CTNNA3: variants seen among roughly 807,000 people sequenced by gnomAD.
CTNNA3 encodes catenin alpha 3.
CTNNA3 carries 76 observed loss-of-function variants against 95.7 expected under a neutral mutation model. The ratio of observed to expected loss-of-function variants is 0.79; its 90% CI spans 0.66 to 0.96. The LOEUF (loss-of-function observed/expected upper bound fraction) is 0.96, where lower values mean the gene tolerates loss of function less well. CTNNA3 is among the 40% of genes least tolerant of loss of function. The pLI is 0.00. For missense variants in CTNNA3, 1,191 were observed against 1,089.8 expected (o/e 1.09, Z -1.31); for synonymous variants, 431 against 374.4 (o/e 1.15, Z -1.74).
At chr10:67,176,345 T>G (rs1264696888) in intron 7 of CTNNA3, among the ~76,000 whole-genome samples, 1 of 152,214 alleles carries the variant, frequency 6.6e-6, no homozygotes, top group Non-Finnish European at 1.5e-5. Context: ...ATATACAACA[T>G]GCAATCATTT....
At chr10:67,051,442 C>A (rs1237799234) in intron 7 of CTNNA3, among the ~76,000 whole-genome samples, 1 of 112,846 alleles carries the variant, frequency 8.9e-6, no homozygotes, top group Non-Finnish European at 1.7e-5. Context: ...CCTTACACAT[C>A]TTTTTTCTTT....
chr10:66,107,155 G>C (rs1454624991), intron 13 of CTNNA3, among the ~76,000 whole-genome samples: 1 of 152,144 alleles, frequency 6.6e-6, no homozygotes, highest in Non-Finnish European at 1.5e-5. Context: ...CTCTAAACCA[G>C]ACAAAGATGA....
At chr10:67,570,569 G>A (rs1390235399) in intron 3 of CTNNA3, among the ~76,000 whole-genome samples, 1 of 152,078 alleles carries the variant, frequency 6.6e-6, no homozygotes, top group Non-Finnish European at 1.5e-5. Context: ...CACATACTGT[G>A]GACAACATTA....
At chr10:66,289,553 T>C (rs2091645097) in intron 12 of CTNNA3, among the ~76,000 whole-genome samples, 1 of 151,846 alleles carries the variant, frequency 6.6e-6, no homozygotes, top group African/African-American at 2.4e-5. Flanking sequence ...TTTTTGGCTG[T>C]GAGAGTTTGG....
At chr10:67,281,682 T>C (rs908782724) in intron 5 of CTNNA3, among the ~76,000 whole-genome samples, 58 of 152,290 alleles carry the variant, frequency 3.8e-4, no homozygotes, top group African/African-American at 1.3e-3. Flanking sequence ...CTGTCCTTTA[T>C]GTCATATAGC....
At chr10:66,679,562 A>G (rs964052899) in intron 9 of CTNNA3, among the ~76,000 whole-genome samples, 1 of 152,218 alleles carries the variant, frequency 6.6e-6, no homozygotes, top group African/African-American at 2.4e-5. Context: ...TGATTACTTC[A>G]GCATGCCTTG....
chr10:66,425,760 T>C (rs2093235255), intron 11 of CTNNA3, among the ~76,000 whole-genome samples: 1 of 152,006 alleles, frequency 6.6e-6, no homozygotes, highest in Admixed American at 6.6e-5. Flanking sequence ...ATGTATACAA[T>C]GTTCATAAAG....
At chr10:67,379,803 C>A (rs1329614449) in intron 5 of CTNNA3, among the ~76,000 whole-genome samples, 1 of 151,916 alleles carries the variant, frequency 6.6e-6, no homozygotes, top group Non-Finnish European at 1.5e-5. Context: ...GGGCGGATCA[C>A]GAGGTCAGGA....
rs370191431 is a variant in CTNNA3 at position 66,443,230 on chromosome 10, GC to G, written c.1532-63879del. Among the ~76,000 whole-genome samples, 696 of 152,272 alleles carry G rather than the reference GC, an allele frequency of 4.6e-3. 2 individuals are homozygous for G. The highest frequency in any genetic ancestry group is 0.013 in the South Asian group (61 of 4,822). Reference sequence around the variant, plus strand: ...GCCTCTGTAGGCTCCACCTCTGGGGGCAGGGCATAGACAAACAAAAAGACAG... The same window carrying G: ...GCCTCTGTAGGCTCCACCTCTGGGGGAGGGCATAGACAAACAAAAAGACAG... On this transcript the variant is annotated intron_variant, in intron 11 of 17. Transcript: ENST00000433211.
intron 5 of CTNNA3, among the ~76,000 whole-genome samples, chr10:67,383,847 G>A (rs1040587819): frequency 6.6e-6 from 1 of 152,150 alleles, no homozygotes; most frequent in Non-Finnish European, 1.5e-5. Context: ...TTTGATGTAG[G>A]TAACAGAGAA....
chr10:66,911,109 G>A (rs1846203859), intron 7 of CTNNA3, among the ~76,000 whole-genome samples: 1 of 152,160 alleles, frequency 6.6e-6, no homozygotes, highest in Non-Finnish European at 1.5e-5. Context: ...ATGTGTGCTA[G>A]AATATTAGTA....
At chr10:67,580,313 A>G (rs945557303) in intron 3 of CTNNA3, among the ~76,000 whole-genome samples, 6 of 152,152 alleles carry the variant, frequency 3.9e-5, no homozygotes, top group African/African-American at 1.2e-4. Context: ...TAAATAAGGA[A>G]TCCTTTCCTC....
At chr10:66,691,863 G>A (rs937451386) in intron 9 of CTNNA3, among the ~76,000 whole-genome samples, 8 of 152,134 alleles carry the variant, frequency 5.3e-5, no homozygotes, top group African/African-American at 1.7e-4. Context: ...GTCTGGAGTG[G>A]ACCTCTAGCA....
At chr10:67,342,293 G>A (rs2132618104) in intron 5 of CTNNA3, among the ~76,000 whole-genome samples, 1 of 151,824 alleles carries the variant, frequency 6.6e-6, no homozygotes, top group African/African-American at 2.4e-5. Flanking sequence ...AGTAGAGACA[G>A]GGTTTCACCG....
At chr10:66,884,775 G>A (rs1340255798) in intron 7 of CTNNA3, among the ~76,000 whole-genome samples, 2 of 152,092 alleles carry the variant, frequency 1.3e-5, no homozygotes, top group Non-Finnish European at 2.9e-5. Flanking sequence ...AAGAAACAGA[G>A]GGAGGAAGAT....
At chr10:66,203,469 C>A (rs898640280) in intron 13 of CTNNA3, among the ~76,000 whole-genome samples, 1 of 151,718 alleles carries the variant, frequency 6.6e-6, no homozygotes, top group African/African-American at 2.4e-5. Context: ...ATGCAGGGAG[C>A]GTTCTCACTC....
chr10:66,539,703 C>T lies in CTNNA3; in HGVS notation c.1375-18930G>A, dbSNP rs113841426. On this transcript the variant is annotated intron_variant, in intron 10 of 17. Coordinates refer to ENST00000433211, the MANE Select transcript of CTNNA3 (RefSeq NM_013266.4). ...TCATTTGGAAGAGGGTGTGGCAGGA[C>T]AGGCTTCATTCTCCTTTTTGCATAA... Among the ~76,000 whole-genome samples the T allele has an allele frequency of 8.1e-3, 1,232 of 152,144 alleles. 22 individuals carry two copies. Among genetic ancestry groups the T allele is most frequent in the Non-Finnish European group, 9.2e-3 (624 of 67,986 alleles).
chr10:66,037,426 G>C (rs1380761183), intron 15 of CTNNA3, among the ~76,000 whole-genome samples: 1 of 152,096 alleles, frequency 6.6e-6, no homozygotes, highest in Non-Finnish European at 1.5e-5. Context: ...AAGTTAAGCT[G>C]TTGCCAAGCT....
At chr10:66,557,445 GTATATACCATGT>G (rs1842425680) in intron 10 of CTNNA3, among the ~76,000 whole-genome samples, 1 of 152,068 alleles carries the variant, frequency 6.6e-6, no homozygotes, top group African/African-American at 2.4e-5. Flanking sequence ...ACAAAAATTG[GTATATACCATGT>G]TCAGTCTCTG....
Sources: allele counts gnomAD v4.1 joint callset (sites outside exome capture counted in the v4.1 genomes callset), GRCh38; gene constraint gnomAD v4.1.1; transcripts MANE v1.5; gene names NCBI Gene and HGNC (gene_info 2026-07-23, HGNC 2026-07-21).